DISP1: variants seen among roughly 807,000 people sequenced by gnomAD.
DISP1 encodes the protein dispatched RND transporter family member 1.
In DISP1, 30 loss-of-function variants were observed where a neutral mutation model predicts 37.3. That is an observed-to-expected ratio of 0.80 (90% CI 0.60 to 1.09). The LOEUF is 1.09. Among genes scored for constraint, DISP1 ranks in the 50% least tolerant of loss-of-function variants. DISP1 has a pLI of 0.00. For synonymous variants in DISP1, 634 were observed against 690.2 expected, an observed-to-expected ratio of 0.92 and a Z score of 1.28; for missense variants, 1,598 against 1,879.5, an observed-to-expected ratio of 0.85 and a Z score of 2.77.
intron 1 of DISP1, among the ~76,000 whole-genome samples, chr1:222,868,531 A>T (rs1418948341): frequency 6.6e-6 from 1 of 152,060 alleles, no homozygotes; most frequent in Non-Finnish European, 1.5e-5. Flanking sequence ...CTTTTTCTTC[A>T]TTTATTGTTG....
intron 1 of DISP1, among the ~76,000 whole-genome samples, chr1:222,908,447 C>T (rs1672033143): frequency 6.6e-6 from 1 of 152,110 alleles, no homozygotes; most frequent in Non-Finnish European, 1.5e-5. Flanking sequence ...GCTCTGTCGC[C>T]CAGGCTGGAG....
At chr1:222,914,972 CA>C (rs1347496462) in intron 1 of DISP1, among the ~76,000 whole-genome samples, 1 of 151,942 alleles carries the variant, frequency 6.6e-6, no homozygotes, top group Non-Finnish European at 1.5e-5. Context: ...GTCATTCATT[CA>C]TTCATTAAAA....
At chr1:222,973,398 A>G (rs951963309) in intron 3 of DISP1, among the ~76,000 whole-genome samples, 4 of 152,038 alleles carry the variant, frequency 2.6e-5, no homozygotes, top group East Asian at 1.9e-4. Context: ...CGTATTTTGT[A>G]TTTAGTTTTC....
chr1:222,986,693 G>A (rs571827051), intron 4 of DISP1, among the ~76,000 whole-genome samples: 55 of 152,270 alleles, frequency 3.6e-4, no homozygotes, highest in Non-Finnish European at 6.8e-4. Flanking sequence ...CTTCAGATCC[G>A]TCTCCTATTA....
intron 1 of DISP1, among the ~76,000 whole-genome samples, chr1:222,901,077 G>C (rs1404632362): frequency 6.6e-6 from 1 of 152,182 alleles, no homozygotes; most frequent in Non-Finnish European, 1.5e-5. Flanking sequence ...AGTAAGGAAA[G>C]ATTATCTCTA....
chr1:222,828,069 TAACTC>T (rs1202106308), intron 1 of DISP1, among the ~76,000 whole-genome samples: 4 of 152,204 alleles, frequency 2.6e-5, no homozygotes, highest in African/African-American at 9.6e-5. Flanking sequence ...ACTTGCATGT[TAACTC>T]AAATACTAGG....
intron 3 of DISP1, among the ~76,000 whole-genome samples, chr1:222,972,752 C>T (rs750768898): frequency 1.6e-4 from 24 of 152,158 alleles, no homozygotes; most frequent in Non-Finnish European, 2.9e-4. Context: ...CATTCATTCA[C>T]GTAATGTTTG....
At chr1:222,876,649 C>A (rs1455560942) in intron 1 of DISP1, among the ~76,000 whole-genome samples, 1 of 152,058 alleles carries the variant, frequency 6.6e-6, no homozygotes, top group African/African-American at 2.4e-5. Flanking sequence ...AGAAGAGTTG[C>A]AGAATTATAG....
At chr1:222,961,656 T>G (rs982117265) in intron 3 of DISP1, among the ~76,000 whole-genome samples, 2 of 152,146 alleles carry the variant, frequency 1.3e-5, no homozygotes, top group Non-Finnish European at 2.9e-5. Flanking sequence ...CGTATTCAAA[T>G]AGGAAGAGAG....
At chr1:222,989,518 A>G (rs1678529095) in intron 4 of DISP1, 12 of 985,326 alleles carry the variant, frequency 1.2e-5, no homozygotes, top group Non-Finnish European at 1.4e-5. Context: ...AGATCTTTCA[A>G]TTTGAGGTAA....
intron 1 of DISP1, among the ~76,000 whole-genome samples, chr1:222,821,151 T>C (rs1662781637): frequency 6.6e-6 from 1 of 152,148 alleles, no homozygotes; most frequent in Admixed American, 6.5e-5. Flanking sequence ...TGGCTGTATT[T>C]CATTGCAGAT....
rs751654884 is a variant in DISP1, at chr1:223,002,445, C to T, written c.1048C>T (p.Pro350Ser). The change falls in exon 9 of 9, where the codon CCC becomes TCC. Residue 350 changes from proline to serine, a missense_variant. Transcript: ENST00000675850. ...CQRTTAASCCPSWTLGNYIAI... is the reference protein window; with the variant it reads ...CQRTTAASCCSSWTLGNYIAI... ...GAGGACCACTGCTGCCTCCTGCTGC[C>T]CCAGCTGGACACTGGGAAACTACAT... 2 of 1,614,046 alleles carry T rather than the reference C, an allele frequency of 1.2e-6. No homozygotes were observed. Among genetic ancestry groups the T allele is most frequent in the South Asian group, 2.2e-5 (2 of 91,064 alleles).
intron 6 of DISP1, among the ~76,000 whole-genome samples, 167 bp from the exon 7 acceptor site, chr1:222,991,843 TTTC>T (rs1040703853): frequency 6.6e-6 from 1 of 152,210 alleles, no homozygotes; most frequent in African/African-American, 2.4e-5. Flanking sequence ...TCTTTTTTTT[TTTC>T]TTTTTTAGAA....
At chr1:222,867,036 A>C (rs1669231970) in intron 1 of DISP1, among the ~76,000 whole-genome samples, 1 of 152,200 alleles carries the variant, frequency 6.6e-6, no homozygotes, top group African/African-American at 2.4e-5. Context: ...CTTTTTCAAA[A>C]TTGTATCCCT....
At chr1:222,979,805 C>A in intron 3 of DISP1, 1 of 326,592 alleles carries the variant, frequency 3.1e-6, no homozygotes, top group Non-Finnish European at 6.4e-6. Flanking sequence ...AGGCTGCTGT[C>A]TCCTACAGCC....
chr1:222,890,770 G>GTTCCATGCCTCTC (rs1462461926), intron 1 of DISP1, among the ~76,000 whole-genome samples: 2 of 152,084 alleles, frequency 1.3e-5, no homozygotes, highest in Non-Finnish European at 2.9e-5. Flanking sequence ...GGGAGAATCT[G>GTTCCATGCCTCTC]TTCCATGCCT....
At chr1:222,823,593 A>C (rs180811315) in intron 1 of DISP1, among the ~76,000 whole-genome samples, 49 of 152,296 alleles carry the variant, frequency 3.2e-4, no homozygotes, top group African/African-American at 1.2e-3. Context: ...TGATGGTTAC[A>C]CAAGAGGCCA....
chr1:222,908,030 T>G (rs559771484), intron 1 of DISP1, among the ~76,000 whole-genome samples: 1 of 152,204 alleles, frequency 6.6e-6, no homozygotes, highest in African/African-American at 2.4e-5. Flanking sequence ...ATGTACAGAG[T>G]TTTTTTAAAA....
intron 1 of DISP1, among the ~76,000 whole-genome samples, chr1:222,822,397 A>G (rs920398107): frequency 6.6e-6 from 1 of 152,154 alleles, no homozygotes; most frequent in Non-Finnish European, 1.5e-5. Flanking sequence ...ATCATTTTGT[A>G]TGCTAGGTTT....
Sources: gnomAD v4.1 joint callset for allele counts (sites outside exome capture counted in the v4.1 genomes callset) on GRCh38, gnomAD v4.1.1 for gene constraint, MANE v1.5 for transcripts, NCBI Gene and HGNC (gene_info 2026-07-23, HGNC 2026-07-21) for gene names.